The following SPINK8 variants were observed in gnomAD, a reference collection of about 807,000 sequenced individuals.
SPINK8 encodes the protein serine peptidase inhibitor Kazal type 8 (putative).
A neutral mutation model predicts 14.4 loss-of-function variants in SPINK8; 12 were observed. That is an observed-to-expected ratio of 0.83 (90% CI 0.53 to 1.35). The LOEUF (loss-of-function observed/expected upper bound fraction) is 1.35. Ranked by LOEUF, SPINK8 falls within the 40% of genes most tolerant of loss-of-function variation. The pLI, the probability that SPINK8 is intolerant of heterozygous loss-of-function variation, is 0.00. For synonymous variants in SPINK8, 32 were observed against 37.6 expected (o/e 0.85, Z 0.55); for missense variants, 103 against 117.0 (o/e 0.88, Z 0.55).
intron 6 of SPINK8, among the ~76,000 whole-genome samples, chr3:48,318,257 C>G (rs1428464488): frequency 6.6e-6 from 1 of 152,076 alleles, no homozygotes; most frequent in African/African-American, 2.4e-5. Flanking sequence ...TCTTCTGCCT[C>G]ATCCTCCTGA....
intron 6 of SPINK8, among the ~76,000 whole-genome samples, chr3:48,312,285 G>T (rs1320091896): frequency 6.6e-6 from 1 of 152,144 alleles, no homozygotes; most frequent in Non-Finnish European, 1.5e-5. Flanking sequence ...CCATTCAATG[G>T]GGGAAGAGGA....
In SPINK8 at chr3:48,306,940, T is replaced by C; in HGVS notation, c.*52A>G. 6.2e-7 allele frequency: 1 copy of C among 1,602,522 alleles called. No individual in the cohort carries two copies. The highest frequency in any genetic ancestry group is 2.2e-5 in the East Asian group (1 of 44,762). On this transcript the variant is annotated 3_prime_UTR_variant, in exon 8 of 8. Coordinates refer to ENST00000434006, the MANE Select transcript of SPINK8 (RefSeq NM_001080525.3). ...ATATTTGAAGAGGCAACCATTGTGT[T>C]TCACTTGGCAATCTGGAGATTCAGT...
chr3:48,328,397 C>G (rs569798224), intron 3 of SPINK8, 43 bp from the exon 4 acceptor site: 49 of 1,452,588 alleles, frequency 3.4e-5, no homozygotes, highest in Non-Finnish European at 4.7e-5. Context: ...AACATCTATG[C>G]GAAGTACAAG....
At chr3:48,320,649 G>A (rs1446339817) in intron 5 of SPINK8, among the ~76,000 whole-genome samples, 1 of 152,164 alleles carries the variant, frequency 6.6e-6, no homozygotes. Flanking sequence ...GGAAGGAGAT[G>A]GAGGAAATAC....
At chr3:48,321,156 G>C in intron 4 of SPINK8, 82 bp from the exon 5 acceptor site, 7 of 1,392,298 alleles carry the variant, frequency 5.0e-6, no homozygotes, top group Non-Finnish European at 6.9e-6. Context: ...GGGAACCCTA[G>C]TTGGCACACA....
intron 2 of SPINK8, among the ~76,000 whole-genome samples, chr3:48,331,044 C>A (rs756864031): frequency 2.0e-5 from 3 of 151,956 alleles, no homozygotes; most frequent in Non-Finnish European, 4.4e-5. Context: ...AGATCTTAGT[C>A]AGGGACTGCA....
chr3:48,321,028 T>G lies in SPINK8; in HGVS notation c.114A>C (p.Thr38=). The change falls in exon 5 of 8, where the codon ACA becomes ACC. Residue 38 remains threonine, a synonymous_variant. Coordinates refer to ENST00000434006, the MANE Select transcript of SPINK8 (RefSeq NM_001080525.3). ...MASERGQLDK[T]IVECLKNVNK... ...GAACCAAGGAAGCAGTACTCACTAT[T>G]GTTTTGTCTAGCTGACCTCTTTCAG... The G allele has an allele frequency of 6.3e-7, 1 of 1,589,974 alleles. No homozygotes were observed. Among genetic ancestry groups the G allele is most frequent in the Non-Finnish European group, 8.6e-7 (1 of 1,166,982 alleles).
intron 2 of SPINK8, among the ~76,000 whole-genome samples, chr3:48,331,966 G>T (rs1339936678): frequency 2.0e-5 from 3 of 152,232 alleles, no homozygotes; most frequent in Non-Finnish European, 4.4e-5. Context: ...CCTGCTGCTG[G>T]ATCATCTGGT....
intron 1 of SPINK8, among the ~76,000 whole-genome samples, chr3:48,332,963 CTT>C (rs1356965866): frequency 6.6e-6 from 1 of 151,612 alleles, no homozygotes; most frequent in Non-Finnish European, 1.5e-5. Flanking sequence ...TATTGGCACT[CTT>C]TGGTTCATTG....
At chr3:48,328,709 G>T (rs938581777) in intron 3 of SPINK8, among the ~76,000 whole-genome samples, 2 of 152,206 alleles carry the variant, frequency 1.3e-5, no homozygotes, top group African/African-American at 4.8e-5. Context: ...GGCCAAGGCA[G>T]GAGGATCACT....
intron 7 of SPINK8, among the ~76,000 whole-genome samples, chr3:48,307,544 C>T (rs1419127266): frequency 6.8e-6 from 1 of 147,986 alleles, no homozygotes; most frequent in Non-Finnish European, 1.5e-5. Context: ...GCCCCCCACC[C>T]CCCCACCTCT....
intron 2 of SPINK8, among the ~76,000 whole-genome samples, chr3:48,332,099 T>C (rs1053293794): frequency 6.6e-6 from 1 of 152,244 alleles, no homozygotes; most frequent in Admixed American, 6.5e-5. Context: ...TTTTTTAAAG[T>C]GTCCTTGTAG....
At chr3:48,309,763 C>A in intron 7 of SPINK8, 141 bp downstream of exon 7, 1 of 1,216,762 alleles carries the variant, frequency 8.2e-7, no homozygotes, top group South Asian at 2.2e-5. Flanking sequence ...ACATGATAGG[C>A]TTATGGGATC....
intron 6 of SPINK8, among the ~76,000 whole-genome samples, chr3:48,313,493 A>C (rs1273097632): frequency 6.6e-6 from 1 of 152,238 alleles, no homozygotes; most frequent in East Asian, 1.9e-4. Flanking sequence ...GATGTGAAGA[A>C]ATTGGAACTC....
chr3:48,327,879 G>GT (rs2036167915), intron 4 of SPINK8, among the ~76,000 whole-genome samples: 1 of 152,152 alleles, frequency 6.6e-6, no homozygotes, highest in Admixed American at 6.5e-5. Context: ...ATTCCCTACT[G>GT]TTAACTATAA....
chr3:48,323,468 T>C (rs1022192968), intron 4 of SPINK8, among the ~76,000 whole-genome samples: 4 of 152,372 alleles, frequency 2.6e-5, no homozygotes, highest in Admixed American at 6.5e-5. Context: ...CTTTTTGTTT[T>C]TGTTGTTCCT....
chr3:48,325,427 ATTTT>A (rs60106004), intron 4 of SPINK8, among the ~76,000 whole-genome samples: 1 of 140,218 alleles, frequency 7.1e-6, no homozygotes, highest in Non-Finnish European at 1.5e-5. Context: ...TAACGTTGTA[ATTTT>A]TTTTTTTTTT....
At chr3:48,307,522 C>T (rs1316964451) in intron 7 of SPINK8, among the ~76,000 whole-genome samples, 1 of 142,848 alleles carries the variant, frequency 7.0e-6, no homozygotes, top group African/African-American at 2.6e-5. Context: ...CTCTCTCTCT[C>T]CCTCCCTATC....
chr3:48,307,642 T>A (rs2035867941), intron 7 of SPINK8, among the ~76,000 whole-genome samples: 1 of 150,100 alleles, frequency 6.7e-6, no homozygotes, highest in African/African-American at 2.4e-5. Context: ...TAGTTCATCA[T>A]TATGGTTGGC....
Sources: gnomAD v4.1 joint callset for allele counts (sites outside exome capture counted in the v4.1 genomes callset) on GRCh38, gnomAD v4.1.1 for gene constraint, MANE v1.5 for transcripts, NCBI Gene and HGNC (gene_info 2026-07-23, HGNC 2026-07-21) for gene names.